Variants in SHISA9 observed in about 807,000 individuals in gnomAD.
The protein encoded by SHISA9 is protein shisa-9.
Under a neutral mutation model 38.0 loss-of-function variants are expected in SHISA9, and 13 were observed. The ratio of observed to expected loss-of-function variants is 0.34; its 90% CI spans 0.22 to 0.54. The LOEUF (loss-of-function observed/expected upper bound fraction) is 0.54, where lower values mean the gene tolerates loss of function less well. Among genes scored for constraint, SHISA9 ranks in the 20% least tolerant of loss-of-function variants. The pLI is 0.91. For missense variants in SHISA9, 538 were observed against 575.8 expected (o/e 0.93, Z 0.67); for synonymous variants, 275 against 242.0 (o/e 1.14, Z -1.27).
At chr16:13,553,613 T>G in the SHISA9 span, among the ~76,000 whole-genome samples, 1 of 152,126 alleles carries the variant, frequency 6.6e-6, no homozygotes. Flanking sequence ...ATGCTTTCAT[T>G]TGAGCATTTC....
chr16:13,016,698 C>A (rs1162346457), intron 2 of SHISA9, among the ~76,000 whole-genome samples: 1 of 152,102 alleles, frequency 6.6e-6, no homozygotes, highest in East Asian at 1.9e-4. Flanking sequence ...ATTTTTCTGG[C>A]CTATGACTAT....
At chr16:13,117,872 C>A (rs1334901035) in intron 2 of SHISA9, among the ~76,000 whole-genome samples, 1 of 152,152 alleles carries the variant, frequency 6.6e-6, no homozygotes, top group Admixed American at 6.6e-5. Context: ...TAGGTGCTTA[C>A]TGAAATGCCC....
intron 2 of SHISA9, among the ~76,000 whole-genome samples, chr16:13,044,988 G>A (rs1035010878): frequency 2.0e-5 from 3 of 152,156 alleles, no homozygotes; most frequent in Non-Finnish European, 2.9e-5. Flanking sequence ...ATGGATTCTG[G>A]AGCCTGCTGC....
In SHISA9 at chr16:13,203,394, A is replaced by T; in HGVS notation, c.692A>T (p.His231Leu). The change falls in exon 3 of 5, where the codon CAT becomes CTT. Residue 231 changes from histidine to leucine, a missense_variant and splice_region_variant. This residue lies in a region of SHISA9 where 326 missense variants were observed against 305.9 expected (regional missense o/e 1.07). Coordinates refer to ENST00000558583, the MANE Select transcript of SHISA9 (RefSeq NM_001145204.3). Reference sequence around the variant, plus strand: ...TCTCCTTCTGTGTCTTCACTTCCAGATGCCACCCAGATGAACAACGCAGTG... The same window carrying T: ...TCTCCTTCTGTGTCTTCACTTCCAGTTGCCACCCAGATGAACAACGCAGTG... ...MDTRTPINNL[H>L]ATQMNNAVPT... 2 of 1,527,376 alleles carry T rather than the reference A, an allele frequency of 1.3e-6. No individual in the cohort carries two copies. Among genetic ancestry groups the T allele is most frequent in the South Asian group, 2.5e-5 (2 of 79,224 alleles). 94.6% of individuals were successfully genotyped at this position (1,527,376 alleles called of 1,614,324 possible).
the SHISA9 span, among the ~76,000 whole-genome samples, chr16:13,433,399 G>C: frequency 6.6e-6 from 1 of 152,340 alleles, no homozygotes; most frequent in African/African-American, 2.4e-5. Flanking sequence ...AAAGTACTTA[G>C]AAAAATGTAG....
chr16:13,363,187 A>G, the SHISA9 span, among the ~76,000 whole-genome samples: 5 of 152,346 alleles, frequency 3.3e-5, no homozygotes, highest in Admixed American at 6.5e-5. Context: ...TCAATGCTAG[A>G]TCATAAGCAC....
chr16:13,281,892 C>T, the SHISA9 span, among the ~76,000 whole-genome samples: 1 of 151,778 alleles, frequency 6.6e-6, no homozygotes, highest in East Asian at 1.9e-4. Flanking sequence ...ATTTCATTAC[C>T]CAGCACCCTT....
At chr16:13,545,958 T>G in the SHISA9 span, among the ~76,000 whole-genome samples, 260 of 152,276 alleles carry the variant, frequency 1.7e-3, 1 homozygote, top group African/African-American at 5.9e-3. Context: ...GATGATTTCT[T>G]GCCAAACTGG....
At chr16:13,541,392 A>G in the SHISA9 span, among the ~76,000 whole-genome samples, 2 of 152,202 alleles carry the variant, frequency 1.3e-5, no homozygotes, top group East Asian at 1.9e-4. Context: ...AAATCCATAT[A>G]TAGCCCCACA....
intron 3 of SHISA9, among the ~76,000 whole-genome samples, chr16:13,212,480 G>A (rs1238979890): frequency 2.6e-5 from 4 of 152,104 alleles, no homozygotes; most frequent in Admixed American, 2.6e-4. Context: ...GGGCTCATTC[G>A]GGACATCTGA....
intron 2 of SHISA9, among the ~76,000 whole-genome samples, chr16:13,116,787 G>A (rs533659025): frequency 1.3e-5 from 2 of 152,172 alleles, no homozygotes; most frequent in African/African-American, 2.4e-5. Flanking sequence ...GGTTTCATAC[G>A]TGAATAGTGC....
the SHISA9 span, among the ~76,000 whole-genome samples, chr16:13,533,284 G>A: frequency 6.6e-6 from 1 of 152,122 alleles, no homozygotes; most frequent in Non-Finnish European, 1.5e-5. Flanking sequence ...GGTTCCCCAG[G>A]CAAGCCACGT....
the SHISA9 span, among the ~76,000 whole-genome samples, chr16:13,335,517 A>G: frequency 6.6e-6 from 1 of 152,220 alleles, no homozygotes; most frequent in African/African-American, 2.4e-5. Context: ...ATGCTGTCTT[A>G]GAAGATGCAA....
At chr16:13,387,470 A>C in the SHISA9 span, among the ~76,000 whole-genome samples, 1,348 of 151,598 alleles carry the variant, frequency 8.9e-3, 19 homozygotes, top group African/African-American at 0.031. Context: ...GGAACAAGGA[A>C]GCTTCCTCCC....
the SHISA9 span, among the ~76,000 whole-genome samples, chr16:13,426,026 C>G: frequency 6.6e-6 from 1 of 152,204 alleles, no homozygotes; most frequent in African/African-American, 2.4e-5. Flanking sequence ...CAACACAGAA[C>G]AGTTATCTTC....
chr16:13,141,467 A>T (rs2050401143), intron 2 of SHISA9, among the ~76,000 whole-genome samples: 1 of 151,986 alleles, frequency 6.6e-6, no homozygotes, highest in African/African-American at 2.4e-5. Flanking sequence ...CAAGCAGATC[A>T]TGAGGTCAAG....
At chr16:12,959,304 G>A (rs2071877337) in intron 2 of SHISA9, among the ~76,000 whole-genome samples, 1 of 152,176 alleles carries the variant, frequency 6.6e-6, no homozygotes, top group Non-Finnish European at 1.5e-5. Flanking sequence ...TGGTTAAGCT[G>A]GTTAGCTTCA....
chr16:13,472,596 G>C, the SHISA9 span, among the ~76,000 whole-genome samples: 7 of 151,846 alleles, frequency 4.6e-5, no homozygotes, highest in African/African-American at 1.7e-4. Flanking sequence ...GTTTCACCAT[G>C]TTAGCCAGGA....
intron 2 of SHISA9, among the ~76,000 whole-genome samples, chr16:12,989,604 G>C (rs1306840630): frequency 1.3e-5 from 2 of 151,856 alleles, no homozygotes; most frequent in African/African-American, 4.8e-5. Context: ...GGCCCAGCCT[G>C]TTTTTTTCTA....
Sources: gnomAD v4.1 joint callset for allele counts (sites outside exome capture counted in the v4.1 genomes callset) on GRCh38, gnomAD v4.1.1 for gene constraint, gnomAD v4.1.1 regional missense constraint, MANE v1.5 for transcripts, NCBI Gene and HGNC (gene_info 2026-07-23, HGNC 2026-07-21) for gene names.